The following SMARCC1 variants were observed in gnomAD, a reference collection of about 807,000 sequenced individuals.
The protein encoded by SMARCC1 is SWI/SNF complex subunit SMARCC1.
Under a neutral mutation model 147.4 loss-of-function variants are expected in SMARCC1, and 43 were observed. The ratio of observed to expected loss-of-function variants is 0.29; its 90% CI spans 0.23 to 0.38. The LOEUF is 0.38. Ranked by LOEUF, SMARCC1 falls within the 10% of genes least tolerant of loss-of-function variation. The pLI is 1.00. For synonymous variants in SMARCC1, 495 were observed against 484.4 expected (o/e 1.02, Z -0.29); for missense variants, 1,119 against 1,381.1 (o/e 0.81, Z 3.01).
At chr3:47,665,365 C>T (rs963699704) in intron 19 of SMARCC1, among the ~76,000 whole-genome samples, 6 of 152,132 alleles carry the variant, frequency 3.9e-5, no homozygotes, top group Non-Finnish European at 5.9e-5. Context: ...AAATCTCACT[C>T]GGGTCCACGG....
intron 11 of SMARCC1, among the ~76,000 whole-genome samples, chr3:47,694,379 T>C (rs1351739473): frequency 6.6e-6 from 1 of 152,120 alleles, no homozygotes; most frequent in Non-Finnish European, 1.5e-5. Flanking sequence ...GGCAGGTGTA[T>C]CACTTGAGGT....
At chr3:47,679,212 C>CAA (rs577481119) in intron 15 of SMARCC1, among the ~76,000 whole-genome samples, 8 of 93,520 alleles carry the variant, frequency 8.6e-5, no homozygotes, top group South Asian at 3.4e-4. Flanking sequence ...GACTTTGTCT[C>CAA]AAAAAAAAAA....
At chr3:47,680,022 G>A (rs115787626) in intron 15 of SMARCC1, among the ~76,000 whole-genome samples, 2,231 of 152,164 alleles carry the variant, frequency 0.015, 54 homozygotes, top group Non-Finnish European at 0.013. Flanking sequence ...GCAACATGGT[G>A]AAACCCCCGT....
At chr3:47,773,096 T>C (rs561396537) in intron 1 of SMARCC1, among the ~76,000 whole-genome samples, 160 bp from the exon 2 acceptor site, 2 of 152,270 alleles carry the variant, frequency 1.3e-5, no homozygotes, top group African/African-American at 4.8e-5. Context: ...CAAATATGTG[T>C]GTGCATTTAA....
intron 6 of SMARCC1, among the ~76,000 whole-genome samples, chr3:47,724,117 G>GTAT (rs1322893189): frequency 2.0e-5 from 3 of 152,294 alleles, no homozygotes; most frequent in African/African-American, 7.2e-5. Flanking sequence ...ATTAAAAACA[G>GTAT]TATTACCATA....
At chr3:47,718,386 G>C (rs2034186886) in intron 7 of SMARCC1, among the ~76,000 whole-genome samples, 1 of 150,956 alleles carries the variant, frequency 6.6e-6, no homozygotes, top group South Asian at 2.1e-4. Context: ...CGGAGCTGAG[G>C]TTGCGCCACT....
intron 1 of SMARCC1, among the ~76,000 whole-genome samples, chr3:47,779,230 T>C (rs1340735701): frequency 6.6e-6 from 1 of 151,906 alleles, no homozygotes; most frequent in Non-Finnish European, 1.5e-5. Flanking sequence ...AGACCCTGTC[T>C]CAAAAAAATA....
intron 14 of SMARCC1, among the ~76,000 whole-genome samples, chr3:47,685,676 G>A (rs1238700970): frequency 6.6e-6 from 1 of 151,982 alleles, no homozygotes; most frequent in East Asian, 1.9e-4. Context: ...TGGCCAAGAT[G>A]GTGAAACCCA....
At chr3:47,609,313 G>A (rs1008895801) in intron 26 of SMARCC1, among the ~76,000 whole-genome samples, 74 of 152,026 alleles carry the variant, frequency 4.9e-4, no homozygotes, top group African/African-American at 1.7e-3. Flanking sequence ...TGGCGAACAC[G>A]GTGAAACCCC....
intron 26 of SMARCC1, among the ~76,000 whole-genome samples, chr3:47,604,883 G>A (rs1428863647): frequency 6.6e-6 from 1 of 152,068 alleles, no homozygotes; most frequent in Non-Finnish European, 1.5e-5. Context: ...ATTTTTAGTA[G>A]AGATGGGCTT....
At chr3:47,704,487 A>AT in intron 10 of SMARCC1, among the ~76,000 whole-genome samples, 1 of 152,304 alleles carries the variant, frequency 6.6e-6, no homozygotes, top group South Asian at 2.1e-4. Flanking sequence ...TGCCTCCTAG[A>AT]GATCACATCT....
chr3:47,626,662 T>C (rs1316842248), intron 24 of SMARCC1, among the ~76,000 whole-genome samples: 1 of 152,156 alleles, frequency 6.6e-6, no homozygotes, highest in East Asian at 1.9e-4. Flanking sequence ...AGATTAAAGA[T>C]AGCCACAAGT....
At chr3:47,661,690 T>C (rs1222818474) in intron 20 of SMARCC1, among the ~76,000 whole-genome samples, 3 of 152,108 alleles carry the variant, frequency 2.0e-5, no homozygotes, top group Non-Finnish European at 4.4e-5. Context: ...AGCCTTGAAA[T>C]AAGAGATCTT....
At chr3:47,608,873 A>AAC (rs1343802481) in intron 26 of SMARCC1, among the ~76,000 whole-genome samples, 10 of 150,060 alleles carry the variant, frequency 6.7e-5, no homozygotes, top group African/African-American at 2.4e-4. Flanking sequence ...AAAAAAAAAA[A>AAC]AGTGTGAATT....
intron 22 of SMARCC1, among the ~76,000 whole-genome samples, chr3:47,636,784 ATATATGTG>A (rs1277076837): frequency 1.7e-3 from 112 of 67,686 alleles, no homozygotes; most frequent in East Asian, 2.2e-3. Flanking sequence ...AACAAAATAT[ATATATGTG>A]TGTGTGTGTG....
chr3:47,601,886 G>A (rs2032392510), intron 26 of SMARCC1: 1 of 152,112 alleles, frequency 6.6e-6, no homozygotes, highest in African/African-American at 2.4e-5. Context: ...TTTTAGTAGA[G>A]GTGGGGTTTT....
intron 24 of SMARCC1, among the ~76,000 whole-genome samples, chr3:47,628,446 G>A (rs2032842938): frequency 6.6e-6 from 1 of 152,110 alleles, no homozygotes; most frequent in African/African-American, 2.4e-5. Context: ...TAAGGGCTTT[G>A]TTCTCATAAC....
At position 47,661,280 on chromosome 3, in the gene SMARCC1, C is replaced by T. The variant is rs775492826; in HGVS notation, c.2320+14G>A. 2 of 1,596,706 alleles carry T rather than the reference C, an allele frequency of 1.3e-6. No individual in the cohort carries two copies. Among genetic ancestry groups the T allele is most frequent in the Non-Finnish European group, 1.7e-6 (2 of 1,173,810 alleles). ...ATATATTAACCCTGTCCCTTAAAAG[C>T]AGCAGTGACTCACCAAGCTTCTCTG... On this transcript the variant is annotated intron_variant, in intron 21 of 27. Coordinates refer to ENST00000254480, the MANE Select transcript of SMARCC1 (RefSeq NM_003074.4).
chr3:47,645,021 T>A (rs1019959015), intron 21 of SMARCC1, among the ~76,000 whole-genome samples: 2 of 152,126 alleles, frequency 1.3e-5, no homozygotes, highest in African/African-American at 2.4e-5. Context: ...ATAATTTCTA[T>A]CAACTCCATC....
Sources: gnomAD v4.1 joint callset for allele counts (sites outside exome capture counted in the v4.1 genomes callset) on GRCh38, gnomAD v4.1.1 for gene constraint, MANE v1.5 for transcripts, NCBI Gene and HGNC (gene_info 2026-07-23, HGNC 2026-07-21) for gene names.